JMJD1C: variants seen among roughly 807,000 people sequenced by gnomAD.
JMJD1C encodes the protein jumonji domain containing 1C.
Under a neutral mutation model 245.3 loss-of-function variants are expected in JMJD1C, and 31 were observed. The observed-to-expected ratio is 0.13, with a 90% CI of 0.09 to 0.17. The LOEUF (loss-of-function observed/expected upper bound fraction) is 0.17, where lower values mean the gene tolerates loss of function less well. Ranked by LOEUF, JMJD1C falls within the 10% of genes least tolerant of loss-of-function variation. The probability of loss-of-function intolerance (pLI) is 1.00; values close to 1 mark genes in which losing one functional copy is unlikely to be tolerated. For synonymous variants in JMJD1C, 1,057 were observed against 1,017.4 expected, an observed-to-expected ratio of 1.04 and a Z score of -0.74; for missense variants, 2,691 against 3,000.2, an observed-to-expected ratio of 0.90 and a Z score of 2.41.
chr10:63,371,773 T>C (rs1472546982), intron 2 of JMJD1C, among the ~76,000 whole-genome samples: 3 of 152,194 alleles, frequency 2.0e-5, no homozygotes, highest in South Asian at 2.1e-4. Flanking sequence ...TATTAGAGTT[T>C]ATCATTTAAA....
At chr10:63,496,566 T>C (rs533725711) in intron 1 of JMJD1C, among the ~76,000 whole-genome samples, 49 of 152,190 alleles carry the variant, frequency 3.2e-4, no homozygotes, top group Non-Finnish European at 6.2e-4. Flanking sequence ...GGAGCTCCAC[T>C]AACCTCACTC....
At position 63,426,088 on chromosome 10, in the gene JMJD1C, T is replaced by C. The variant is rs116957867; in HGVS notation, c.168+39407A>G. The stretch of plus-strand genomic sequence containing the variant: ...GGATGTGACACAATGCATTTAAGAA[T>C]TTCTTGCCAGGCCTGGTGGCTCACG... On this transcript the variant is annotated intron_variant, in intron 1 of 25. Transcript: ENST00000399262. Among the ~76,000 whole-genome samples, 1,287 of 152,264 alleles carry C rather than the reference T, an allele frequency of 8.5e-3. 45 individuals carry two copies. The highest frequency in any genetic ancestry group is 0.038 in the East Asian group (196 of 5,172).
At chr10:63,364,035 T>TA (rs145065929) in intron 2 of JMJD1C, among the ~76,000 whole-genome samples, 7,781 of 151,184 alleles carry the variant, frequency 0.051, 295 homozygotes, top group African/African-American at 0.11. Context: ...TTTGTATATA[T>TA]TTTTTTTTAC....
At chr10:63,436,819 C>A (rs948217448) in intron 1 of JMJD1C, among the ~76,000 whole-genome samples, 4 of 152,022 alleles carry the variant, frequency 2.6e-5, no homozygotes, top group Admixed American at 1.3e-4. Context: ...ATAAGAAATC[C>A]TATCTTAGAC....
intron 12 of JMJD1C, among the ~76,000 whole-genome samples, 159 bp from the exon 13 acceptor site, chr10:63,197,722 T>C (rs1845604824): frequency 6.6e-6 from 1 of 152,192 alleles, no homozygotes; most frequent in African/African-American, 2.4e-5. Context: ...AATTTGTAAT[T>C]CTCTTTAGAA....
chr10:63,266,293 TCA>T (rs1855563581), intron 2 of JMJD1C, among the ~76,000 whole-genome samples: 1 of 152,044 alleles, frequency 6.6e-6, no homozygotes, highest in African/African-American at 2.4e-5. Flanking sequence ...GGGTGAGAAA[TCA>T]CATTTTCAAA....
intron 1 of JMJD1C, among the ~76,000 whole-genome samples, chr10:63,387,375 T>C: frequency 1.3e-5 from 2 of 152,136 alleles, no homozygotes; most frequent in Middle Eastern, 6.8e-3. Flanking sequence ...AAAATATTGA[T>C]ACTAAAGTAT....
chr10:63,247,319 C>T (rs977039751), intron 3 of JMJD1C, among the ~76,000 whole-genome samples: 1 of 151,950 alleles, frequency 6.6e-6, no homozygotes, highest in Non-Finnish European at 1.5e-5. Context: ...AACAACTATA[C>T]AAGCTAACAA....
chr10:63,179,982 G>A (rs899926190), intron 22 of JMJD1C, among the ~76,000 whole-genome samples: 1 of 152,088 alleles, frequency 6.6e-6, no homozygotes, highest in Non-Finnish European at 1.5e-5. Context: ...AAACTTAGCT[G>A]CAAACATATT....
intron 1 of JMJD1C, among the ~76,000 whole-genome samples, chr10:63,412,361 G>C (rs922040053): frequency 3.3e-5 from 5 of 152,168 alleles, no homozygotes; most frequent in Admixed American, 1.3e-4. Context: ...CTAAATTTCT[G>C]TTCTATGGTA....
chr10:63,337,604 AAAAGAAAAGAAAAG>A (rs1315599454), intron 2 of JMJD1C, among the ~76,000 whole-genome samples: 2 of 109,914 alleles, frequency 1.8e-5, no homozygotes, highest in Non-Finnish European at 3.4e-5. Context: ...AAAAGAAAAG[AAAAGAAAAGAAAAG>A]AAAAGAAAAA....
chr10:63,380,492 C>T lies in JMJD1C; in HGVS notation c.169-10G>A. ...CAAATTCCACATACACCTATGAAAA[C>T]AAAAACACAAAATTCAATTAGCAAA... On this transcript the variant is annotated splice_polypyrimidine_tract_variant and intron_variant, in intron 1 of 25. Coordinates refer to ENST00000399262, the MANE Select transcript of JMJD1C (RefSeq NM_032776.3). 1.3e-6 allele frequency: 2 copies of T among 1,595,088 alleles called. No homozygotes were observed. The highest frequency in any genetic ancestry group is 1.1e-5 in the South Asian group (1 of 88,672).
chr10:63,369,404 A>C (rs1216748853), intron 2 of JMJD1C, among the ~76,000 whole-genome samples: 1 of 152,108 alleles, frequency 6.6e-6, no homozygotes, highest in Non-Finnish European at 1.5e-5. Flanking sequence ...CAGCCTCCCA[A>C]AGTGCTGGGA....
At chr10:63,234,168 G>C (rs151272699) in intron 3 of JMJD1C, among the ~76,000 whole-genome samples, 1 of 150,724 alleles carries the variant, frequency 6.6e-6, no homozygotes, top group Non-Finnish European at 1.5e-5. Flanking sequence ...TTGAGATCCA[G>C]AGTTACGAGA....
intron 2 of JMJD1C, among the ~76,000 whole-genome samples, chr10:63,359,900 T>C (rs1945176373): frequency 6.6e-6 from 1 of 152,092 alleles, no homozygotes; most frequent in Non-Finnish European, 1.5e-5. Flanking sequence ...GATCTGCATA[T>C]TTTCCTATCA....
chr10:63,279,657 T>A (rs879335744), intron 2 of JMJD1C, among the ~76,000 whole-genome samples: 2 of 152,146 alleles, frequency 1.3e-5, no homozygotes, highest in Non-Finnish European at 2.9e-5. Flanking sequence ...TAGTCCCAGC[T>A]ACAAAGGAGG....
rs372034208 is a variant in JMJD1C at position 63,217,191 on chromosome 10, T to G, written c.678+16A>C. ...ACTTTTAAAATCTCTATAAAAATAT[T>G]AGTGGAACTATTTACCTGATCATTC... On this transcript the variant is annotated intron_variant, in intron 5 of 25. Transcript: ENST00000399262. 4.4e-6 allele frequency: 7 copies of G among 1,595,680 alleles called. No individual in the cohort carries two copies. The highest frequency in any genetic ancestry group is 4.5e-5 in the East Asian group (2 of 44,702).
chr10:63,339,963 G>A (rs952228307), intron 2 of JMJD1C, among the ~76,000 whole-genome samples: 1 of 152,178 alleles, frequency 6.6e-6, no homozygotes, highest in Non-Finnish European at 1.5e-5. Context: ...GAGAGGCTGA[G>A]GCAGGAGAAA....
intron 1 of JMJD1C, among the ~76,000 whole-genome samples, chr10:63,488,678 CTT>C (rs1463269556): frequency 6.6e-6 from 1 of 152,090 alleles, no homozygotes; most frequent in South Asian, 2.1e-4. Context: ...TTTTATATGA[CTT>C]ATATACGAGT....
Sources: gnomAD v4.1 joint callset for allele counts (sites outside exome capture counted in the v4.1 genomes callset) on GRCh38, gnomAD v4.1.1 for gene constraint, MANE v1.5 for transcripts, NCBI Gene and HGNC (gene_info 2026-07-23, HGNC 2026-07-21) for gene names.